The following PEX1 variants were observed in gnomAD, a reference collection of about 807,000 sequenced individuals.
PEX1 encodes peroxisomal biogenesis factor 1.
PEX1 carries 97 observed loss-of-function variants against 152.5 expected under a neutral mutation model. The ratio of observed to expected loss-of-function variants is 0.64; its 90% CI spans 0.54 to 0.75. The LOEUF is 0.75. Among genes scored for constraint, PEX1 ranks in the 30% least tolerant of loss-of-function variants. The pLI, the probability that PEX1 is intolerant of heterozygous loss-of-function variation, is 0.00. For synonymous variants in PEX1, 485 were observed against 531.6 expected (o/e 0.91, Z 1.21); for missense variants, 1,357 against 1,516.3 (o/e 0.89, Z 1.74).
intron 12 of PEX1, among the ~76,000 whole-genome samples, chr7:92,504,044 A>G (rs1156381965): frequency 6.6e-6 from 1 of 152,012 alleles, no homozygotes; most frequent in African/African-American, 2.4e-5. Flanking sequence ...CTTTATTAGC[A>G]TGAAATTGGT....
chr7:92,497,509 C>T (rs896220010), intron 16 of PEX1, among the ~76,000 whole-genome samples: 1 of 149,956 alleles, frequency 6.7e-6, no homozygotes, highest in African/African-American at 2.4e-5. Context: ...AAAAACCTTT[C>T]GAAATAAATT....
chr7:92,522,459 T>C (rs527759639), intron 1 of PEX1, among the ~76,000 whole-genome samples: 28 of 152,352 alleles, frequency 1.8e-4, no homozygotes, highest in African/African-American at 5.8e-4. Flanking sequence ...TATATTCTTA[T>C]GGCAGCATTA....
rs1791376282 is a variant in PEX1, at chr7:92,492,317, A to G, written c.3207+636T>C. Among the ~76,000 whole-genome samples the G allele has an allele frequency of 1.3e-5, 2 of 152,012 alleles. 1 individual carries two copies. Among genetic ancestry groups the G allele is most frequent in the South Asian group, 4.1e-4 (2 of 4,832 alleles). On this transcript the variant is annotated intron_variant, in intron 20 of 23. Coordinates refer to ENST00000248633, the MANE Select transcript of PEX1 (RefSeq NM_000466.3). Reference sequence around the variant, plus strand: ...TGCCACCATGCCCAGCTAATTTTTAAATTTTTCACAGAGACAAGATCCCAC... The same window carrying G: ...TGCCACCATGCCCAGCTAATTTTTAGATTTTTCACAGAGACAAGATCCCAC...
rs983157165 is a variant in PEX1, at chr7:92,501,635, G to A, written c.2455C>T (p.Arg819Cys). ...CGCAAAGACGCAGGAAGAAATCCGC[G>A]GAGAGCCTTTTGGAAGTCCAATGTT... ...LTTLDFQKAL[R>C]GFLPASLRSV... The change falls in exon 15 of 24, where the codon CGC (arginine) becomes TGC (cysteine). Residue 819 changes from arginine (R) to cysteine (C), a missense_variant. Arg to Cys is a radical substitution (Grantham distance 180). Coordinates refer to ENST00000248633, the MANE Select transcript of PEX1 (RefSeq NM_000466.3). 26 of 1,613,728 alleles carry A rather than the reference G, an allele frequency of 1.6e-5. No homozygotes were observed. Among genetic ancestry groups the A allele is most frequent in the South Asian group, 3.3e-5 (3 of 91,082 alleles).
At chr7:92,519,220 G>A (rs1439869838) in intron 2 of PEX1, 142 bp from the exon 3 acceptor site, 6 of 625,312 alleles carry the variant, frequency 9.6e-6, no homozygotes, top group Non-Finnish European at 1.7e-5. Context: ...TGTAGTCTAT[G>A]TAATCTTTCT....
At chr7:92,498,918 T>A in intron 16 of PEX1, among the ~76,000 whole-genome samples, 1 of 152,234 alleles carries the variant, frequency 6.6e-6, no homozygotes, top group East Asian at 1.9e-4. Context: ...TATGTATAAT[T>A]CTGTTCACAA....
At chr7:92,522,803 ATATT>A (rs1190698764) in intron 1 of PEX1, among the ~76,000 whole-genome samples, 90 of 152,358 alleles carry the variant, frequency 5.9e-4, no homozygotes, top group African/African-American at 2.1e-3. Flanking sequence ...TATACAATCC[ATATT>A]TATTTACTTA....
At position 92,510,964 on chromosome 7, in the gene PEX1, G is replaced by A. The variant is rs757119959; in HGVS notation, c.1567C>T (p.Leu523=). The A allele has an allele frequency of 1.9e-6, 3 of 1,545,812 alleles. No individual in the cohort carries two copies. The highest frequency in any genetic ancestry group is 2.7e-6 in the Non-Finnish European group (3 of 1,118,644). ...KNIFLLSPNL[L]QKTTIQVLLD... is the part of the protein sequence containing the mutation. ...ATTACTTGTATTGTAGTCTTCTGCA[G>A]CAAATTGGGACTCAACAGAAAAATA... The change falls in exon 8 of 24, where the codon CTG becomes TTG. Residue 523 remains leucine (L), a synonymous_variant. Coordinates refer to ENST00000248633, the MANE Select transcript of PEX1 (RefSeq NM_000466.3).
rs779167512 is a variant in PEX1, at chr7:92,509,309, G to C, written c.1670+20C>G. ...TGTTAAAAACATGTCTAACATGCTA[G>C]TTTGGCCATAACTTCTTACCCCAAA... is the stretch of plus-strand genomic sequence containing the variant. On this transcript the variant is annotated intron_variant, in intron 9 of 23. Coordinates refer to ENST00000248633, the MANE Select transcript of PEX1 (RefSeq NM_000466.3). 42 of 1,534,760 alleles carry C rather than the reference G, an allele frequency of 2.7e-5. No homozygotes were observed. Among genetic ancestry groups the C allele is most frequent in the Non-Finnish European group, 3.8e-5 (42 of 1,108,280 alleles).
intron 12 of PEX1, among the ~76,000 whole-genome samples, chr7:92,504,039 T>C (rs1458157134): frequency 1.3e-5 from 2 of 152,096 alleles, no homozygotes; most frequent in Non-Finnish European, 2.9e-5. Flanking sequence ...TGCTTCTTTA[T>C]TAGCATGAAA....
chr7:92,501,972 C>T lies in PEX1; in HGVS notation c.2334G>A (p.Gly778=). ...GTACTGTAAAATCTCTAGCCACAAACCCGCCAGTTTCTTTAGCTACATGCT... is the reference window on the plus strand; with the variant it reads ...GTACTGTAAAATCTCTAGCCACAAATCCGCCAGTTTCTTTAGCTACATGCT... ...DLQHVAKETG[G]FVARDFTVLV... The change falls in exon 14 of 24, where the codon GGG becomes GGA. Residue 778 remains glycine (G), a synonymous_variant. Coordinates refer to ENST00000248633, the MANE Select transcript of PEX1 (RefSeq NM_000466.3). The T allele has an allele frequency of 6.2e-7, 1 of 1,613,834 alleles. No homozygotes were observed. The highest frequency in any genetic ancestry group is 1.1e-5 in the South Asian group (1 of 91,072).
intron 8 of PEX1, among the ~76,000 whole-genome samples, chr7:92,510,195 G>C (rs1160844091): frequency 6.7e-6 from 1 of 149,314 alleles, no homozygotes; most frequent in Non-Finnish European, 1.5e-5. Flanking sequence ...GCTGGGCGCA[G>C]TGGCTCACAC....
chr7:92,503,308 G>T, intron 12 of PEX1, 113 bp from the exon 13 acceptor site: 2 of 850,414 alleles, frequency 2.4e-6, no homozygotes, highest in Non-Finnish European at 3.8e-6. Context: ...GGTGCAGTAT[G>T]TATGGTATCG....
At position 92,509,399 on chromosome 7, in the gene PEX1, G is replaced by C. The variant is rs1419015282; in HGVS notation, c.1600C>G (p.Pro534Ala). 2 of 1,609,540 alleles carry C rather than the reference G, an allele frequency of 1.2e-6. No individual in the cohort carries two copies. Among genetic ancestry groups the C allele is most frequent in the Non-Finnish European group, 1.7e-6 (2 of 1,176,490 alleles). ...QKTTIQVLLD[P>A]MVKEENSEEI... is the part of the protein sequence containing the mutation. ...TCACTGTTTTCTTCTTTTACCATAG[G>C]ATCTAGAAGGACCTACAGTTGCAAG... The change falls in exon 9 of 24, where the codon CCT becomes GCT. Residue 534 changes from proline (P) to alanine (A), a missense_variant. By Grantham distance (27) the Pro-to-Ala change is conservative (BLOSUM62 -1). Coordinates refer to ENST00000248633, the MANE Select transcript of PEX1 (RefSeq NM_000466.3).
chr7:92,508,802 A>G (rs1792318147), intron 9 of PEX1, among the ~76,000 whole-genome samples: 1 of 152,112 alleles, frequency 6.6e-6, no homozygotes, highest in Non-Finnish European at 1.5e-5. Context: ...ACTTAATCAA[A>G]AGAGGAATTT....
intron 5 of PEX1, 79 bp from the exon 6 acceptor site, chr7:92,514,046 T>C (rs1792607342): frequency 1.1e-5 from 10 of 888,140 alleles, no homozygotes; most frequent in Admixed American, 2.2e-5. Context: ...AATATTGATA[T>C]ATTAGCTTCT....
In PEX1 at chr7:92,507,102, G is replaced by A. The variant is rs760925480; in HGVS notation, c.1695C>T (p.Ser565=). Residue 565 remains serine, a synonymous_variant, in exon 10 of 24, where the codon TCC becomes TCT. Transcript: ENST00000248633. Reference sequence around the variant, plus strand: ...GGCTGTGAGTGATGTGCTCCAAGGAGGATACGCCTAAGGAATTCACTCCTC... The same window carrying A: ...GGCTGTGAGTGATGTGCTCCAAGGAAGATACGCCTAAGGAATTCACTCCTC... ...SLGGVNSLGV[S]SLEHITHSLL... The A allele has an allele frequency of 3.7e-6, 6 of 1,613,712 alleles. No individual in the cohort carries two copies. The highest frequency in any genetic ancestry group is 5.1e-6 in the Non-Finnish European group (6 of 1,179,724).
intron 2 of PEX1, among the ~76,000 whole-genome samples, chr7:92,519,813 G>A (rs967981321): frequency 2.0e-5 from 3 of 152,060 alleles, no homozygotes; most frequent in African/African-American, 7.2e-5. Flanking sequence ...ATAAGCTGGA[G>A]TCACCATCTT....
chr7:92,501,775 A>G, intron 14 of PEX1, 102 bp from the exon 15 acceptor site: 2 of 1,356,718 alleles, frequency 1.5e-6, no homozygotes, highest in Admixed American at 1.8e-5. Flanking sequence ...TTCTACTCAA[A>G]TAACTGCTTA....
Sources: allele counts gnomAD v4.1 joint callset (sites outside exome capture counted in the v4.1 genomes callset), GRCh38; gene constraint gnomAD v4.1.1; transcripts MANE v1.5; gene names NCBI Gene and HGNC (gene_info 2026-07-23, HGNC 2026-07-21).